TJP3: variants seen among roughly 807,000 people sequenced by gnomAD.
The protein encoded by TJP3 is tight junction protein 3.
In TJP3, 85 loss-of-function variants were observed where a neutral mutation model predicts 104.2. The observed-to-expected ratio is 0.82, with a 90% CI of 0.68 to 0.98. TJP3 has a LOEUF of 0.98. TJP3 is among the 50% of genes least tolerant of loss of function. TJP3 has a pLI of 0.00. For synonymous variants in TJP3, 550 were observed against 550.6 expected (o/e 1.00, Z 0.02); for missense variants, 1,367 against 1,322.8 (o/e 1.03, Z -0.52).
At chr19:3,749,962 A>T (rs2145711091) in intron 19 of TJP3, among the ~76,000 whole-genome samples, 176 bp from the exon 20 acceptor site, 1 of 152,264 alleles carries the variant, frequency 6.6e-6, no homozygotes, top group South Asian at 2.1e-4. Flanking sequence ...GCCTTCCCCT[A>T]TCCCAGCCTC....
At chr19:3,731,889 C>T (rs1254208698) in intron 5 of TJP3, 46 bp from the exon 6 acceptor site, 15 of 1,545,906 alleles carry the variant, frequency 9.7e-6, no homozygotes, top group Admixed American at 1.7e-5. Flanking sequence ...CTCCCAGGCA[C>T]CCGTCTCCAG....
Position 3,740,628 on chromosome 19 carries a change from G to A in TJP3, c.1708G>A (p.Ala570Thr). ...GCCCGGCTCCTCCGCGGGCTCCAAT[G>A]CTCGGGCCGAGTTCTGGCGGCTGCG... Reference protein sequence around the residue: ...VGPGSSAGSNARAEFWRLRGL... With the variant: ...VGPGSSAGSNTRAEFWRLRGL... Residue 570 changes from alanine (A) to threonine (T), a missense_variant, in exon 14 of 21, where the codon GCT becomes ACT. Transcript: ENST00000541714. The A allele has an allele frequency of 1.9e-6, 3 of 1,592,798 alleles. No homozygotes were observed. The highest frequency in any genetic ancestry group is 1.7e-6 in the Non-Finnish European group (2 of 1,170,916).
chr19:3,726,551 T>C (rs6510767), intron 1 of TJP3, among the ~76,000 whole-genome samples: 1 of 151,580 alleles, frequency 6.6e-6, no homozygotes, highest in Non-Finnish European at 1.5e-5. Context: ...GTGAGCCAAG[T>C]TGGCACCATT....
Position 3,730,530 on chromosome 19 carries a change from C to A in TJP3, c.437C>A (p.Ser146Tyr), listed in dbSNP as rs376977570. 12 of 1,596,880 alleles carry A rather than the reference C, an allele frequency of 7.5e-6. No homozygotes were observed. The East Asian group carries it at 2.5e-4, about 33-fold the overall frequency. ...TCCGGCCGCTCCTGGGACGAGCGCT[C>A]CCGCCGGCCGAGGCCTGGTCGCCGG... ...SGSGRSWDER[S>Y]RRPRPGRRGR... The change falls in exon 5 of 21, where the codon TCC (serine) becomes TAC (tyrosine). Residue 146 changes from serine (S) to tyrosine (Y), a missense_variant. Coordinates refer to ENST00000541714, the MANE Select transcript of TJP3 (RefSeq NM_001267560.2). This position sits in a 1 kb window ranked among gnomAD's most constrained non-coding sequence, Gnocchi z 7.3.
rs745307541 is a variant in TJP3, at chr19:3,746,901, G to A, written c.2322+25G>A. On this transcript the variant is annotated intron_variant, in intron 18 of 20. Coordinates refer to ENST00000541714, the MANE Select transcript of TJP3 (RefSeq NM_001267560.2). This position sits in a 1 kb window ranked among gnomAD's most constrained non-coding sequence, Gnocchi z 4.1. ...GGTACTGCCGCGGTGTGGGTGGGTC[G>A]GGCAGGGAGGCCCCACAGACGCTGT... The A allele has an allele frequency of 8.0e-6, 12 of 1,504,450 alleles. No homozygotes were observed. Among genetic ancestry groups the A allele is most frequent in the Admixed American group, 1.9e-5 (1 of 53,572 alleles). 93.2% of individuals were successfully genotyped at this position (1,504,450 alleles called of 1,614,324 possible). A position where few individuals can be genotyped will look rare whatever the true frequency, so the allele number is the denominator to read the frequency against.
At chr19:3,732,106 G>A (rs2036679830) in intron 6 of TJP3, 68 bp downstream of exon 6, 1 of 1,344,852 alleles carries the variant, frequency 7.4e-7, no homozygotes, top group East Asian at 2.4e-5. Flanking sequence ...GTCCCACGGA[G>A]TCATACAGCA....
intron 1 of TJP3, among the ~76,000 whole-genome samples, chr19:3,717,745 T>A (rs1443735118): frequency 5.3e-5 from 8 of 152,086 alleles, no homozygotes; most frequent in Admixed American, 1.3e-4. Context: ...AAGATATTTT[T>A]AAAAATTTTT....
At position 3,731,089 on chromosome 19, in the gene TJP3, ATTCTCTCTAGCTCT is replaced by A. The variant is rs1425563097; in HGVS notation, c.613+392_613+405del. On this transcript the variant is annotated intron_variant, in intron 5 of 20. Transcript: ENST00000541714. ...CTTTCTGCCTGTCTGTATTTCATATATTCTCTCTAGCTCTTTCTCTCTGAACCTGGTGGTCCCTA... is the reference window on the plus strand; with the variant it reads ...CTTTCTGCCTGTCTGTATTTCATATATTCTCTCTGAACCTGGTGGTCCCTA... Among the ~76,000 whole-genome samples the A allele has an allele frequency of 5.3e-4, 81 of 152,102 alleles. 1 individual carries two copies. The highest frequency in any genetic ancestry group is 4.6e-4 in the Admixed American group (7 of 15,270).
intron 1 of TJP3, among the ~76,000 whole-genome samples, chr19:3,720,339 T>C (rs1278887463): frequency 6.6e-6 from 1 of 152,242 alleles, no homozygotes; most frequent in Non-Finnish European, 1.5e-5. Flanking sequence ...GGAGGTGAGA[T>C]GTCATCTTCG....
Position 3,748,069 on chromosome 19 carries a change from T to A in TJP3, c.2598T>A (p.His866Gln), listed in dbSNP as rs781712296. ...SPRDRGRISA[H>Q]QGAQVDSRHP... ...GGGATCGTGGGAGAATCTCGGCTCATCAGGGGGCCCAGGTGCGTCGGACAT... is the reference window on the plus strand; with the variant it reads ...GGGATCGTGGGAGAATCTCGGCTCAACAGGGGGCCCAGGTGCGTCGGACAT... The change falls in exon 19 of 21, where the codon CAT becomes CAA. Residue 866 changes from histidine (H) to glutamine (Q), a missense_variant. Coordinates refer to ENST00000541714, the MANE Select transcript of TJP3 (RefSeq NM_001267560.2). 6.4e-7 allele frequency: 1 copy of A among 1,570,956 alleles called. No homozygotes were observed. The highest frequency in any genetic ancestry group is 8.6e-7 in the Non-Finnish European group (1 of 1,157,898).
At chr19:3,747,394 G>A (rs1257185886) in intron 18 of TJP3, among the ~76,000 whole-genome samples, 1 of 152,066 alleles carries the variant, frequency 6.6e-6, no homozygotes, top group Non-Finnish European at 1.5e-5. Flanking sequence ...AGTCAGTGGG[G>A]CACGGGAGCT....
In TJP3 at chr19:3,732,036, C is replaced by T; in HGVS notation, c.715C>T (p.Gln239Ter). The change falls in exon 6 of 21, where the codon CAG (glutamine) becomes TAG (stop). Residue 239 changes from glutamine (Q) to a stop codon, truncating the protein, a stop_gained and splice_region_variant. Transcript: ENST00000541714. LOFTEE classifies it high-confidence loss of function. The stretch of plus-strand genomic sequence containing the variant: ...GCTGCAGGAAGGAGATCTCATTCTA[C>T]AGGTGAGGCCGGGCTTCTTGTCCTG... Reference protein sequence around the residue: ...RGLQEGDLILQINGVSSQNLS... With the variant: ...RGLQEGDLIL The T allele has an allele frequency of 1.2e-6, 2 of 1,611,456 alleles. No homozygotes were observed. The highest frequency in any genetic ancestry group is 1.7e-6 in the Non-Finnish European group (2 of 1,179,266).
chr19:3,724,674 C>T (rs2036579832), intron 1 of TJP3, among the ~76,000 whole-genome samples: 1 of 152,148 alleles, frequency 6.6e-6, no homozygotes, highest in African/African-American at 2.4e-5. Context: ...GGAGCTGGGA[C>T]CACAGGTGCA....
In TJP3 at chr19:3,743,417, T is replaced by C. The variant is rs528696883; in HGVS notation, c.1844-522T>C. On this transcript the variant is annotated intron_variant, in intron 14 of 20. Coordinates refer to ENST00000541714, the MANE Select transcript of TJP3 (RefSeq NM_001267560.2). ...GTATCTGGTAGGCCAGGTGTCAACA[T>C]ACTTTTCCTGCAAAGGATCACATAG... 1.7e-4 allele frequency among the ~76,000 whole-genome samples: 26 copies of C among 152,330 alleles called. 1 individual carries two copies. In the Middle Eastern group the frequency reaches 0.024, roughly 139 times the overall value.
intron 5 of TJP3, 48 bp from the exon 6 acceptor site, chr19:3,731,887 C>A: frequency 6.5e-7 from 1 of 1,530,248 alleles, no homozygotes; most frequent in Non-Finnish European, 9.0e-7. Flanking sequence ...TGCTCCCAGG[C>A]ACCCGTCTCC....
In TJP3 at chr19:3,744,054, G is replaced by A. The variant is rs765518929; in HGVS notation, c.1939+20G>A. 5 of 1,609,722 alleles carry A rather than the reference G, an allele frequency of 3.1e-6. No homozygotes were observed. Among genetic ancestry groups the A allele is most frequent in the Non-Finnish European group, 4.3e-6 (5 of 1,176,182 alleles). Reference sequence around the variant, plus strand: ...TCGCAGGTGAGAAGCCAGATCCTCTGGAAACCTCGTTGGTGAAATAGTTTC... The same window carrying A: ...TCGCAGGTGAGAAGCCAGATCCTCTAGAAACCTCGTTGGTGAAATAGTTTC... On this transcript the variant is annotated intron_variant, in intron 15 of 20. Transcript: ENST00000541714.
At chr19:3,717,421 A>G (rs545200568) in intron 1 of TJP3, among the ~76,000 whole-genome samples, 127 of 146,756 alleles carry the variant, frequency 8.7e-4, no homozygotes, top group African/African-American at 2.8e-3. Flanking sequence ...ATATATATAT[A>G]TATATATAAT....
Position 3,730,652 on chromosome 19 carries a change from G to A in TJP3, c.559G>A (p.Asp187Asn), listed in dbSNP as rs752233599. 5.0e-6 allele frequency: 8 copies of A among 1,611,550 alleles called. No homozygotes were observed. The South Asian group carries it at 5.5e-5, about 11-fold the overall frequency. Residue 187 changes from aspartate to asparagine, a missense_variant, in exon 5 of 21, where the codon GAC (aspartate) becomes AAC (asparagine). Physicochemically the swap from Asp to Asn is conservative, Grantham distance 23. Transcript: ENST00000541714. This position sits in a 1 kb window ranked among gnomAD's most constrained non-coding sequence, Gnocchi z 7.3. ...CGGCTTTAAGCGGCTGCCACGGCAG[G>A]ACGTGCAGATGAAGCCTGTGAAGTC... ...VSGFKRLPRQ[D>N]VQMKPVKSVL...
In TJP3 at chr19:3,739,712, G is replaced by A. The variant is rs150598622; in HGVS notation, c.1631+578G>A. Among the ~76,000 whole-genome samples, 434 of 152,214 alleles carry A rather than the reference G, an allele frequency of 2.9e-3. 10 individuals carry two copies. The East Asian group carries it at 0.071, about 25-fold the overall frequency. Reference sequence around the variant, plus strand: ...AAAGTCAAGGTATGGGCAGGCCTGGGCCCTCCCAGAGGCTCCAGGAGAAAA... The same window carrying A: ...AAAGTCAAGGTATGGGCAGGCCTGGACCCTCCCAGAGGCTCCAGGAGAAAA... On this transcript the variant is annotated intron_variant, in intron 13 of 20. Transcript: ENST00000541714.
Sources: gnomAD v4.1 joint callset for allele counts (sites outside exome capture counted in the v4.1 genomes callset) on GRCh38, gnomAD v4.1.1 for gene constraint, Gnocchi (gnomAD v3.1) non-coding constraint, MANE v1.5 for transcripts, NCBI Gene and HGNC (gene_info 2026-07-23, HGNC 2026-07-21) for gene names.